Variants in ATXN7L1 observed in about 807,000 individuals in gnomAD.
ATXN7L1 encodes the protein ataxin 7 like 1, also known as ataxin-7-like protein 1.
ATXN7L1 carries 15 observed loss-of-function variants against 70.8 expected under a neutral mutation model. That is an observed-to-expected ratio of 0.21 (90% CI 0.14 to 0.33). ATXN7L1 has a LOEUF of 0.33. Among genes scored for constraint, ATXN7L1 ranks in the 10% least tolerant of loss-of-function variants. The pLI is 1.00. For synonymous variants in ATXN7L1, 440 were observed against 445.1 expected, an observed-to-expected ratio of 0.99 and a Z score of 0.14; for missense variants, 975 against 1,097.1, an observed-to-expected ratio of 0.89 and a Z score of 1.57.
rs751621438 is a variant in ATXN7L1, at chr7:105,614,208, G to A, written c.2126C>T (p.Pro709Leu). The A allele has an allele frequency of 2.5e-5, 39 of 1,551,622 alleles. No individual in the cohort carries two copies. Among genetic ancestry groups the A allele is most frequent in the Non-Finnish European group, 8.7e-7 (1 of 1,147,022 alleles). ...TGAGGGCTCCAGTTTGGCACTGAGT[G>A]GGCTCACCCCATTGTTTGAGTTGTG... ...SVHNSNNGVS[P>L]LSAKLEPSGR... Residue 709 changes from proline to leucine, a missense_variant, in exon 10 of 12, where the codon CCA becomes CTA. By Grantham distance (98) the Pro-to-Leu change is moderately conservative. Around this residue, in one of 5 missense-constraint regions of ATXN7L1, gnomAD observed 635 missense variants for 699.4 expected, o/e 0.91. Coordinates refer to ENST00000419735, the MANE Select transcript of ATXN7L1 (RefSeq NM_020725.2). The surrounding 1 kb of genome is among the most constrained non-coding windows in gnomAD (Gnocchi z 4.3).
intron 3 of ATXN7L1, among the ~76,000 whole-genome samples, chr7:105,763,791 T>A (rs1486329329): frequency 6.6e-6 from 1 of 152,082 alleles, no homozygotes; most frequent in Non-Finnish European, 1.5e-5. Flanking sequence ...GAGGTGGCAA[T>A]CTGATAGTCA....
intron 2 of ATXN7L1, among the ~76,000 whole-genome samples, chr7:105,828,211 C>T (rs1387191530): frequency 6.6e-6 from 1 of 152,096 alleles, no homozygotes; most frequent in African/African-American, 2.4e-5. Flanking sequence ...GTATGTGGCT[C>T]ACAGTTTAGG....
chr7:105,668,556 G>A (rs1803013335), intron 3 of ATXN7L1, among the ~76,000 whole-genome samples: 1 of 152,068 alleles, frequency 6.6e-6, no homozygotes. Flanking sequence ...CAAGTAGCTG[G>A]GATTATAGGC....
At chr7:105,866,288 C>T (rs540186554) in intron 2 of ATXN7L1, among the ~76,000 whole-genome samples, 2 of 152,282 alleles carry the variant, frequency 1.3e-5, no homozygotes, top group South Asian at 4.2e-4. Flanking sequence ...TTTATCTTCC[C>T]CATTATGGTG....
chr7:105,707,467 C>A (rs1023232643), intron 3 of ATXN7L1, among the ~76,000 whole-genome samples: 2 of 152,118 alleles, frequency 1.3e-5, no homozygotes, highest in South Asian at 4.1e-4. Context: ...TGGAGGAAGG[C>A]TGGGCTATGG....
chr7:105,790,110 A>G (rs1016327787), intron 2 of ATXN7L1, among the ~76,000 whole-genome samples: 2 of 152,200 alleles, frequency 1.3e-5, no homozygotes, highest in African/African-American at 4.8e-5. Context: ...GCAAATCTAT[A>G]AACACAAAAA....
intron 2 of ATXN7L1, among the ~76,000 whole-genome samples, chr7:105,795,690 A>G (rs1174651862): frequency 6.6e-6 from 1 of 152,212 alleles, no homozygotes; most frequent in Non-Finnish European, 1.5e-5. Flanking sequence ...AGCAGACACT[A>G]CTTTGAAGGC....
chr7:105,783,457 G>A (rs1803828793), intron 3 of ATXN7L1, among the ~76,000 whole-genome samples: 2 of 152,252 alleles, frequency 1.3e-5, no homozygotes, highest in South Asian at 2.1e-4. Flanking sequence ...GGTGGCTGGC[G>A]TACATAGGCA....
In ATXN7L1 at chr7:105,819,556, T is replaced by C. The variant is rs977987421; in HGVS notation, c.251-30848A>G. ...CATCTCCTGGGCCGCCTGGCGGCCA[T>C]CGTGGCTAAGTAGGTACTGCTGGGC... On this transcript the variant is annotated intron_variant, in intron 2 of 11. Transcript: ENST00000419735. 1.5e-5 allele frequency: 20 copies of C among 1,364,106 alleles called. 1 individual carries two copies. The South Asian group carries it at 1.5e-4, about 10-fold the overall frequency. 84.5% of individuals were successfully genotyped at this position (1,364,106 alleles called of 1,614,324 possible). A position where few individuals can be genotyped will look rare whatever the true frequency, so the allele number is the denominator to read the frequency against.
chr7:105,781,413 T>G (rs529698050), intron 3 of ATXN7L1, among the ~76,000 whole-genome samples: 2 of 152,198 alleles, frequency 1.3e-5, no homozygotes, highest in African/African-American at 4.8e-5. Context: ...ATAAAAAATT[T>G]TTTTCCAGTA....
At chr7:105,671,170 C>CTACTCAGG (rs2116103837) in intron 3 of ATXN7L1, among the ~76,000 whole-genome samples, 1 of 146,624 alleles carries the variant, frequency 6.8e-6, no homozygotes, top group African/African-American at 2.5e-5. Flanking sequence ...GTAATCTCAG[C>CTACTCAGG]TACTCAGGAG....
chr7:105,715,228 A>C (rs753123161), intron 3 of ATXN7L1, among the ~76,000 whole-genome samples: 24 of 152,212 alleles, frequency 1.6e-4, no homozygotes, highest in Non-Finnish European at 3.1e-4. Flanking sequence ...CAGAAGGTAC[A>C]AGCTTGGAAA....
At chr7:105,828,998 T>TA (rs1811228692) in intron 2 of ATXN7L1, among the ~76,000 whole-genome samples, 1 of 152,214 alleles carries the variant, frequency 6.6e-6, no homozygotes, top group South Asian at 2.1e-4. Flanking sequence ...AAATACTAGA[T>TA]AAGCAGTCTT....
At chr7:105,767,744 A>G (rs1334766286) in intron 3 of ATXN7L1, among the ~76,000 whole-genome samples, 1 of 152,330 alleles carries the variant, frequency 6.6e-6, no homozygotes, top group East Asian at 1.9e-4. Flanking sequence ...TCAAGCCCAG[A>G]TAGCTTGGCT....
intron 3 of ATXN7L1, among the ~76,000 whole-genome samples, chr7:105,749,496 A>T (rs1039175561): frequency 7.3e-5 from 11 of 151,626 alleles, no homozygotes; most frequent in Non-Finnish European, 1.3e-4. Context: ...TCACCCTGAG[A>T]AAAGGGGCCA....
intron 7 of ATXN7L1, among the ~76,000 whole-genome samples, chr7:105,627,964 C>G (rs369580517): frequency 4.0e-5 from 6 of 150,106 alleles, no homozygotes; most frequent in African/African-American, 1.2e-4. Context: ...CCTGCCTCAG[C>G]CTCCTGAGTA....
chr7:105,709,454 C>A (rs1793609827), intron 3 of ATXN7L1, among the ~76,000 whole-genome samples: 1 of 152,112 alleles, frequency 6.6e-6, no homozygotes, highest in Non-Finnish European at 1.5e-5. Context: ...AAGGACGCAC[C>A]TACAAGGAGG....
chr7:105,625,045 T>C (rs1386992052), intron 7 of ATXN7L1, among the ~76,000 whole-genome samples: 1 of 152,100 alleles, frequency 6.6e-6, no homozygotes, highest in African/African-American at 2.4e-5. Context: ...ACCAAAAATA[T>C]CAGTAATGAA....
At position 105,790,606 on chromosome 7, in the gene ATXN7L1, T is replaced by A. The variant is rs998988376; in HGVS notation, c.251-1898A>T. On this transcript the variant is annotated intron_variant, in intron 2 of 11. Transcript: ENST00000419735. ...AGAAAGAAAAAGAAAAAGAAAAAAA[T>A]TATCTATCTATCTATCTATCTATCT... 2.2e-5 allele frequency among the ~76,000 whole-genome samples: 3 copies of A among 133,560 alleles called. No homozygotes were observed. The South Asian group carries it at 7.6e-4, about 34-fold the overall frequency. The allele number at this position is 133,560 out of a possible 152,430, so 87.6% of individuals were successfully genotyped here.
Sources: gnomAD v4.1 joint callset for allele counts (sites outside exome capture counted in the v4.1 genomes callset) on GRCh38, gnomAD v4.1.1 for gene constraint, gnomAD v4.1.1 regional missense constraint, Gnocchi (gnomAD v3.1) non-coding constraint, MANE v1.5 for transcripts, NCBI Gene and HGNC (gene_info 2026-07-23, HGNC 2026-07-21) for gene names.